The following ABCA6 variants were observed in gnomAD, a reference collection of about 807,000 sequenced individuals.
ABCA6 encodes the protein ATP binding cassette subfamily A member 6, also known as ATP-binding cassette sub-family A member 6.
In ABCA6, 164 loss-of-function variants were observed where a neutral mutation model predicts 191.2. That is an observed-to-expected ratio of 0.86 (90% CI 0.76 to 0.98). The LOEUF is 0.98. Ranked by LOEUF, ABCA6 falls within the 50% of genes least tolerant of loss-of-function variation. The pLI is 0.00. For missense variants in ABCA6, 1,958 were observed against 1,894.1 expected (o/e 1.03, Z -0.63); for synonymous variants, 636 against 647.7 (o/e 0.98, Z 0.27).
chr17:69,090,355 C>T (rs1236580126), intron 26 of ABCA6, among the ~76,000 whole-genome samples: 1 of 152,202 alleles, frequency 6.6e-6, no homozygotes, highest in African/African-American at 2.4e-5. Flanking sequence ...CCACTTGAAC[C>T]ACATTCAGTT....
chr17:69,096,829 A>G lies in ABCA6; in HGVS notation c.3121-28T>C, dbSNP rs767850820. 8.0e-6 allele frequency: 12 copies of G among 1,491,382 alleles called. No homozygotes were observed. The East Asian group carries it at 2.5e-4, about 31-fold the overall frequency. The allele number at this position is 1,491,382 out of a possible 1,614,324, so 92.4% of individuals were successfully genotyped here. A position where few individuals can be genotyped will look rare whatever the true frequency, so the allele number is the denominator to read the frequency against. On this transcript the variant is annotated intron_variant, in intron 23 of 38. Transcript: ENST00000284425. ...GATTAAAAAAAAAAAGAAAGAAAGA[A>G]ATGTATATAGATTCAATTAAAATGC...
intron 6 of ABCA6, 103 bp from the exon 7 acceptor site, chr17:69,129,854 C>A: frequency 1.2e-6 from 1 of 821,310 alleles, no homozygotes; most frequent in Non-Finnish European, 1.9e-6. Context: ...ACCCTTGTAC[C>A]TTCTAGATTA....
intron 16 of ABCA6, 120 bp from the exon 17 acceptor site, chr17:69,111,060 G>C (rs961917717): frequency 8.8e-5 from 80 of 908,094 alleles, no homozygotes; most frequent in Middle Eastern, 6.8e-4. Flanking sequence ...GGAACAAAAA[G>C]ATGAGTAAAT....
intron 13 of ABCA6, among the ~76,000 whole-genome samples, chr17:69,114,306 T>A (rs2073492402): frequency 6.7e-6 from 1 of 150,244 alleles, no homozygotes; most frequent in Non-Finnish European, 1.5e-5. Flanking sequence ...CAGCAAACTA[T>A]CGCAAGGACA....
intron 25 of ABCA6, among the ~76,000 whole-genome samples, chr17:69,092,770 T>G (rs1214547018): frequency 6.6e-6 from 1 of 152,216 alleles, no homozygotes; most frequent in African/African-American, 2.4e-5. Flanking sequence ...GCATTGAATA[T>G]CAACATACTA....
chr17:69,124,411 C>A (rs1227087221), intron 9 of ABCA6, among the ~76,000 whole-genome samples: 1 of 151,910 alleles, frequency 6.6e-6, no homozygotes, highest in East Asian at 1.9e-4. Context: ...GATAATTTAA[C>A]TGGGCGATCA....
intron 8 of ABCA6, 86 bp downstream of exon 8, chr17:69,128,531 CTT>C: frequency 1.1e-6 from 1 of 930,362 alleles, no homozygotes; most frequent in Non-Finnish European, 1.5e-6. Flanking sequence ...AATAAAAGCT[CTT>C]AGTTTGAGTA....
At chr17:69,079,639 A>G (rs1327096647) in intron 37 of ABCA6, among the ~76,000 whole-genome samples, 1 of 152,198 alleles carries the variant, frequency 6.6e-6, no homozygotes, top group Admixed American at 6.5e-5. Context: ...TTCATCTGTT[A>G]TATCACCTCT....
chr17:69,129,364 G>A (rs914129604), intron 7 of ABCA6, among the ~76,000 whole-genome samples: 4 of 152,040 alleles, frequency 2.6e-5, no homozygotes, highest in Non-Finnish European at 5.9e-5. Context: ...AGTCAGCATT[G>A]TTTTTTCTTT....
intron 7 of ABCA6, 99 bp from the exon 8 acceptor site, chr17:69,128,903 A>G (rs535663662): frequency 1.1e-6 from 1 of 921,844 alleles, no homozygotes; most frequent in Non-Finnish European, 1.6e-6. Context: ...ATCATAACAT[A>G]AATATTTATC....
Position 69,097,903 on chromosome 17 carries a change from T to C in ABCA6, c.3120+17A>G. The C allele has an allele frequency of 6.5e-7, 1 of 1,546,472 alleles. No individual in the cohort carries two copies. The highest frequency in any genetic ancestry group is 8.7e-7 in the Non-Finnish European group (1 of 1,145,368). On this transcript the variant is annotated intron_variant, in intron 23 of 38. Coordinates refer to ENST00000284425, the MANE Select transcript of ABCA6 (RefSeq NM_080284.3). ...TTGAAATTCCTGAAATTTCTTCTTT[T>C]CCCTGCTTTTTCTTACCTTGTAATC...
Position 69,083,282 on chromosome 17 carries a change from T to C in ABCA6, c.4405A>G (p.Thr1469Ala). Residue 1469 changes from threonine (T) to alanine (A), a missense_variant, in exon 35 of 39, where the codon ACC (threonine) becomes GCC (alanine). By Grantham distance (58) the Thr-to-Ala change is moderately conservative. Transcript: ENST00000284425. ...TCCGCCTCAGCCAGGTTATGGGTGG[T>C]CAGGAGGACACCTCTCTCTGTGTTT... ...VKNTERGVLL[T>A]THNLAEAEAL... 4.3e-6 allele frequency: 7 copies of C among 1,609,420 alleles called. No homozygotes were observed. Among genetic ancestry groups the C allele is most frequent in the Non-Finnish European group, 5.9e-6 (7 of 1,178,804 alleles).
intron 36 of ABCA6, among the ~76,000 whole-genome samples, chr17:69,082,090 T>A (rs1436667170): frequency 6.6e-6 from 1 of 152,198 alleles, no homozygotes; most frequent in Non-Finnish European, 1.5e-5. Context: ...TCATTTTTGA[T>A]CTTCCCACCT....
At chr17:69,092,221 T>C (rs979471229) in intron 25 of ABCA6, among the ~76,000 whole-genome samples, 1 of 152,224 alleles carries the variant, frequency 6.6e-6, no homozygotes, top group Non-Finnish European at 1.5e-5. Flanking sequence ...CCAGATCTTA[T>C]TAATGTACTG....
At chr17:69,128,471 TA>T in intron 8 of ABCA6, 147 bp downstream of exon 8, 1 of 495,068 alleles carries the variant, frequency 2.0e-6, no homozygotes. Context: ...CTTTTTTTTT[TA>T]CAATGTAATA....
intron 3 of ABCA6, among the ~76,000 whole-genome samples, chr17:69,136,712 G>A (rs376679586): frequency 6.6e-6 from 1 of 152,054 alleles, no homozygotes; most frequent in South Asian, 2.1e-4. Context: ...CAGGAATGGA[G>A]GATTAAAGAG....
intron 29 of ABCA6, 50 bp downstream of exon 29, chr17:69,087,303 C>T (rs886080220): frequency 1.3e-6 from 2 of 1,596,264 alleles, no homozygotes; most frequent in Non-Finnish European, 1.7e-6. Context: ...CTGCTCTTGA[C>T]AGTTCTTGAA....
At position 69,091,193 on chromosome 17, in the gene ABCA6, C is replaced by T; in HGVS notation, c.3478G>A (p.Val1160Ile). The T allele has an allele frequency of 6.2e-7, 1 of 1,611,694 alleles. No homozygotes were observed. The highest frequency in any genetic ancestry group is 8.5e-7 in the Non-Finnish European group (1 of 1,179,194). Residue 1160 changes from valine (V) to isoleucine (I), a missense_variant, in exon 26 of 39, where the codon GTA becomes ATA. Physicochemically the swap from Val to Ile is conservative, Grantham distance 29 (BLOSUM62 3). Transcript: ENST00000284425. Reference sequence around the variant, plus strand: ...AGCAAGGTATATGAAGGAACCAATACCATGGTGGTAATCAATATACTTAGG... The same window carrying T: ...AGCAAGGTATATGAAGGAACCAATATCATGGTGGTAATCAATATACTTAGG... ...FDLSILITTMVLVPSYTLLGF... is the reference protein window; with the variant it reads ...FDLSILITTMILVPSYTLLGF...
rs1367072679 is a variant in ABCA6, at chr17:69,123,346, G to A, written c.1329C>T (p.His443=). The change falls in exon 10 of 39, where the codon CAC becomes CAT. Residue 443 remains histidine, a synonymous_variant. Coordinates refer to ENST00000284425, the MANE Select transcript of ABCA6 (RefSeq NM_080284.3). ...FFLNSSSCFQ[H]QRTNAKVIEK... is the part of the protein sequence containing the mutation. Reference sequence around the variant, plus strand: ...CAATAACCTTAGCATTAGTCCTTTGGTGTTGGAAACAAGATGATGAATTCA... The same window carrying A: ...CAATAACCTTAGCATTAGTCCTTTGATGTTGGAAACAAGATGATGAATTCA... The A allele has an allele frequency of 6.4e-7, 1 of 1,564,734 alleles. No homozygotes were observed. The highest frequency in any genetic ancestry group is 1.4e-5 in the African/African-American group (1 of 73,938).
Sources: gnomAD v4.1 joint callset for allele counts (sites outside exome capture counted in the v4.1 genomes callset) on GRCh38, gnomAD v4.1.1 for gene constraint, MANE v1.5 for transcripts, NCBI Gene and HGNC (gene_info 2026-07-23, HGNC 2026-07-21) for gene names.